DOCK9: variants seen among roughly 807,000 people sequenced by gnomAD.
DOCK9 encodes dedicator of cytokinesis 9.
DOCK9 carries 89 observed loss-of-function variants against 263.3 expected under a neutral mutation model. The ratio of observed to expected loss-of-function variants is 0.34; its 90% CI spans 0.28 to 0.40. The LOEUF (loss-of-function observed/expected upper bound fraction) is 0.40, where lower values mean the gene tolerates loss of function less well. DOCK9 is among the 10% of genes least tolerant of loss of function. The probability of loss-of-function intolerance (pLI) is 1.00; values close to 1 mark genes in which losing one functional copy is unlikely to be tolerated. For synonymous variants in DOCK9, 976 were observed against 973.1 expected (o/e 1.00, Z -0.06); for missense variants, 2,140 against 2,603.4 (o/e 0.82, Z 3.87).
intron 1 of DOCK9, chr13:99,015,905 T>C: frequency 6.3e-6 from 3 of 478,892 alleles, no homozygotes; most frequent in Non-Finnish European, 8.7e-6. Context: ...TCACTCTTAA[T>C]ACCAAAGAAC....
Position 98,889,088 on chromosome 13 carries a change from A to G in DOCK9, c.1710-377T>C, listed in dbSNP as rs572930874. Reference sequence around the variant, plus strand: ...TACACAGTACAGGTCTAGATAAAGAATATCAGCAAAACAGTTACAGCTCAA... The same window carrying G: ...TACACAGTACAGGTCTAGATAAAGAGTATCAGCAAAACAGTTACAGCTCAA... On this transcript the variant is annotated intron_variant, in intron 15 of 52. Transcript: ENST00000682017. Among the ~76,000 whole-genome samples, 4 of 152,360 alleles carry G rather than the reference A, an allele frequency of 2.6e-5. No individual in the cohort carries two copies. In the South Asian group the frequency reaches 8.3e-4, roughly 32 times the overall value.
intron 2 of DOCK9, among the ~76,000 whole-genome samples, chr13:98,935,436 G>C (rs1361556285): frequency 3.9e-5 from 6 of 152,138 alleles, no homozygotes; most frequent in South Asian, 2.1e-4. Context: ...GGCTTCCATG[G>C]CTGGAGGAAT....
At chr13:99,037,484 G>A (rs1888011546) in intron 1 of DOCK9, among the ~76,000 whole-genome samples, 1 of 152,152 alleles carries the variant, frequency 6.6e-6, no homozygotes, top group Non-Finnish European at 1.5e-5. Flanking sequence ...AGGATGTGGA[G>A]CAAATAAACT....
At position 98,977,947 on chromosome 13, in the gene DOCK9, G is replaced by A. The variant is rs752664156; in HGVS notation, c.-38C>T. On this transcript the variant is annotated 5_prime_UTR_variant, in exon 1 of 53. Transcript: ENST00000682017. ...ACGCAAGTCAGAAAGTCTGCAACTG[G>A]AACAGCTGCGAGTCCCTGGCCGTGC... 1 of 1,545,704 alleles carries A rather than the reference G, an allele frequency of 6.5e-7. No homozygotes were observed. The highest frequency in any genetic ancestry group is 1.4e-5 in the African/African-American group (1 of 73,412).
chr13:98,993,221 A>C (rs1169587743), intron 1 of DOCK9, among the ~76,000 whole-genome samples: 11 of 152,238 alleles, frequency 7.2e-5, no homozygotes, highest in Non-Finnish European at 1.5e-4. Context: ...AATTACCGGC[A>C]CAATTCCTGG....
intron 27 of DOCK9, among the ~76,000 whole-genome samples, chr13:98,868,692 C>T (rs1224291003): frequency 6.6e-6 from 1 of 152,170 alleles, no homozygotes; most frequent in East Asian, 1.9e-4. Context: ...CAGTCTGAGG[C>T]TGCAGTGAGC....
At chr13:99,045,893 C>A (rs1888947085) in intron 1 of DOCK9, among the ~76,000 whole-genome samples, 1 of 150,620 alleles carries the variant, frequency 6.6e-6, no homozygotes, top group East Asian at 1.9e-4. Flanking sequence ...GAGATTGAGA[C>A]TATTCTGGCT....
intron 7 of DOCK9, 118 bp downstream of exon 7, chr13:98,920,836 G>A: frequency 1.0e-6 from 1 of 984,240 alleles, no homozygotes; most frequent in Non-Finnish European, 1.4e-6. Context: ...AAAGTTATAT[G>A]TTATATTTCT....
At chr13:98,917,624 T>C (rs545376534) in intron 7 of DOCK9, among the ~76,000 whole-genome samples, 36 of 146,652 alleles carry the variant, frequency 2.5e-4, no homozygotes, top group African/African-American at 8.5e-4. Flanking sequence ...TATACTTTCA[T>C]GTATTTTACC....
chr13:99,071,486 A>T (rs1240340675), intron 1 of DOCK9, among the ~76,000 whole-genome samples: 2 of 151,724 alleles, frequency 1.3e-5, no homozygotes, highest in Non-Finnish European at 2.9e-5. Context: ...ATTATTAATC[A>T]TAAGGAAGAG....
At chr13:98,879,204 C>T (rs997717101) in intron 27 of DOCK9, among the ~76,000 whole-genome samples, 1 of 152,096 alleles carries the variant, frequency 6.6e-6, no homozygotes, top group Non-Finnish European at 1.5e-5. Context: ...CCAAACACAC[C>T]TCAGTGGGCA....
chr13:98,958,729 A>C (rs2058338457), intron 1 of DOCK9, among the ~76,000 whole-genome samples: 2 of 152,228 alleles, frequency 1.3e-5, no homozygotes, highest in East Asian at 1.9e-4. Context: ...GTAATTCTTT[A>C]TATTAATTTT....
chr13:98,846,605 A>G (rs375994127), intron 37 of DOCK9: 2 of 1,310,242 alleles, frequency 1.5e-6, no homozygotes, highest in Non-Finnish European at 2.0e-6. Context: ...TGGGTTAGCA[A>G]TCAAACAGCT....
chr13:98,887,815 T>C (rs2138929818), intron 18 of DOCK9, among the ~76,000 whole-genome samples: 1 of 152,122 alleles, frequency 6.6e-6, no homozygotes, highest in African/African-American at 2.4e-5. Flanking sequence ...GTTGATCAGT[T>C]ATTATTATTT....
chr13:98,945,945 A>G (rs920496032), intron 2 of DOCK9, among the ~76,000 whole-genome samples: 1 of 152,220 alleles, frequency 6.6e-6, no homozygotes, highest in African/African-American at 2.4e-5. Flanking sequence ...CAACAGCCTC[A>G]TTGCAAAGGT....
At chr13:98,820,717 G>C (rs755739026) in intron 45 of DOCK9, 3 of 412,996 alleles carry the variant, frequency 7.3e-6, no homozygotes, top group African/African-American at 2.1e-5. Flanking sequence ...AGAAAAATCA[G>C]GAACGCCTTT....
Position 98,829,563 on chromosome 13 carries a change from C to G in DOCK9, c.4750-41G>C. 6.3e-7 allele frequency: 1 copy of G among 1,590,960 alleles called. No individual in the cohort carries two copies. Among genetic ancestry groups the G allele is most frequent in the Non-Finnish European group, 8.6e-7 (1 of 1,166,956 alleles). On this transcript the variant is annotated intron_variant, in intron 42 of 52. Transcript: ENST00000682017. The surrounding 1 kb of genome is among the most constrained non-coding windows in gnomAD (Gnocchi z 4.1). Reference sequence around the variant, plus strand: ...AAGAGGAAAGGACACATGGCTTCCTCTGTTTGCTGCCTGTCCACAAGCACC... The same window carrying G: ...AAGAGGAAAGGACACATGGCTTCCTGTGTTTGCTGCCTGTCCACAAGCACC...
chr13:98,817,380 T>C (rs902312853), intron 45 of DOCK9, among the ~76,000 whole-genome samples: 2 of 152,058 alleles, frequency 1.3e-5, no homozygotes, highest in East Asian at 1.9e-4. Context: ...CAATTAAACC[T>C]TTTTTCTTTA....
intron 1 of DOCK9, among the ~76,000 whole-genome samples, chr13:99,051,855 CAAAAAAAAAAA>C (rs11392986): frequency 9.4e-6 from 1 of 106,056 alleles, no homozygotes. Context: ...CCACTAGTGG[CAAAAAAAAAAA>C]AAAAAAAAAA....
Sources: gnomAD v4.1 joint callset for allele counts (sites outside exome capture counted in the v4.1 genomes callset) on GRCh38, gnomAD v4.1.1 for gene constraint, Gnocchi (gnomAD v3.1) non-coding constraint, MANE v1.5 for transcripts, NCBI Gene and HGNC (gene_info 2026-07-23, HGNC 2026-07-21) for gene names.